The following TAFA1 variants were observed in gnomAD, a reference collection of about 807,000 sequenced individuals.
TAFA1 encodes chemokine-like protein TAFA-1.
Under a neutral mutation model 18.5 loss-of-function variants are expected in TAFA1, and 4 were observed. The ratio of observed to expected loss-of-function variants is 0.22; its 90% CI spans 0.11 to 0.49. The LOEUF (loss-of-function observed/expected upper bound fraction) is 0.49, where lower values mean the gene tolerates loss of function less well. Ranked by LOEUF, TAFA1 falls within the 20% of genes least tolerant of loss-of-function variation. The pLI is 0.98. For missense variants in TAFA1, 147 were observed against 169.0 expected (o/e 0.87, Z 0.72); for synonymous variants, 56 against 55.2 (o/e 1.01, Z -0.06).
chr3:68,334,420 T>C (rs981643183), intron 2 of TAFA1, among the ~76,000 whole-genome samples: 3 of 152,160 alleles, frequency 2.0e-5, no homozygotes, highest in Non-Finnish European at 2.9e-5. Context: ...TTGAAGAAAA[T>C]GCTAGGAGTT....
rs150950332 is a variant in TAFA1, at chr3:68,149,393, A to G, written c.118+142649A>G. Among the ~76,000 whole-genome samples, 420 of 152,318 alleles carry G rather than the reference A, an allele frequency of 2.8e-3. 2 individuals are homozygous for G. Among genetic ancestry groups the G allele is most frequent in the African/African-American group, 9.2e-3 (381 of 41,574 alleles). On this transcript the variant is annotated intron_variant, in intron 2 of 4. Coordinates refer to ENST00000478136, the MANE Select transcript of TAFA1 (RefSeq NM_213609.4). ...ATACAGGAATACCTGAGACTGGGTA[A>G]TTTATAAAGAAAAAAAGCTTATTTG...
At chr3:68,274,025 T>C (rs1402209835) in intron 2 of TAFA1, among the ~76,000 whole-genome samples, 2 of 152,148 alleles carry the variant, frequency 1.3e-5, no homozygotes, top group African/African-American at 4.8e-5. Context: ...GGCCCTAGGG[T>C]AAAGATATGA....
intron 2 of TAFA1, among the ~76,000 whole-genome samples, chr3:68,221,464 A>AG (rs552570408): frequency 5.5e-4 from 84 of 152,294 alleles, no homozygotes; most frequent in Non-Finnish European, 1.0e-3. Context: ...TTAAGCAAAT[A>AG]GGGTGGCTTG....
intron 3 of TAFA1, among the ~76,000 whole-genome samples, chr3:68,442,814 G>A (rs1458323989): frequency 1.3e-5 from 2 of 152,106 alleles, no homozygotes; most frequent in Non-Finnish European, 2.9e-5. Context: ...TATCTCACAG[G>A]CAATCTTTAC....
At chr3:68,389,421 A>G (rs2070177042) in intron 2 of TAFA1, among the ~76,000 whole-genome samples, 1 of 152,194 alleles carries the variant, frequency 6.6e-6, no homozygotes, top group Admixed American at 6.5e-5. Context: ...ATATCTTTGT[A>G]TGCATAACTT....
intron 2 of TAFA1, among the ~76,000 whole-genome samples, chr3:68,115,888 A>C (rs1385797218): frequency 6.6e-6 from 1 of 152,218 alleles, no homozygotes; most frequent in African/African-American, 2.4e-5. Flanking sequence ...TCACCACAAA[A>C]CATTTCTGTA....
At position 68,381,308 on chromosome 3, in the gene TAFA1, A is replaced by G. The variant is rs562205606; in HGVS notation, c.119-35972A>G. Among the ~76,000 whole-genome samples, 3 of 151,548 alleles carry G rather than the reference A, an allele frequency of 2.0e-5. No homozygotes were observed. In the East Asian group the frequency reaches 5.8e-4, roughly 29 times the overall value. On this transcript the variant is annotated intron_variant, in intron 2 of 4. Transcript: ENST00000478136. ...GTAGTTTTTTCCAATTCTGTGAAGA[A>G]AGTCATTGGTAGCTTGATGGGGATG...
intron 2 of TAFA1, among the ~76,000 whole-genome samples, chr3:68,326,792 A>G (rs1049907878): frequency 2.0e-5 from 3 of 152,216 alleles, no homozygotes; most frequent in Admixed American, 6.5e-5. Flanking sequence ...AATAAGAAAT[A>G]TTATCTCCTT....
intron 2 of TAFA1, among the ~76,000 whole-genome samples, chr3:68,203,465 T>C (rs1409402399): frequency 6.6e-6 from 1 of 151,732 alleles, no homozygotes; most frequent in Non-Finnish European, 1.5e-5. Context: ...GTATGCCTTG[T>C]AATTTTTGCT....
At chr3:68,344,657 G>C (rs1468247090) in intron 2 of TAFA1, among the ~76,000 whole-genome samples, 1 of 152,098 alleles carries the variant, frequency 6.6e-6, no homozygotes, top group Non-Finnish European at 1.5e-5. Context: ...ACTTTGGGTA[G>C]GTTACTTCTC....
At chr3:68,187,420 A>G (rs1450223782) in intron 2 of TAFA1, among the ~76,000 whole-genome samples, 1 of 151,936 alleles carries the variant, frequency 6.6e-6, no homozygotes, top group Non-Finnish European at 1.5e-5. Context: ...AACTCTAGAG[A>G]TTAGCTTTGT....
intron 2 of TAFA1, among the ~76,000 whole-genome samples, chr3:68,085,965 C>G (rs1480186891): frequency 6.6e-6 from 1 of 152,220 alleles, no homozygotes; most frequent in Non-Finnish European, 1.5e-5. Flanking sequence ...AAGATGAACA[C>G]TCAGTAATTT....
intron 2 of TAFA1, among the ~76,000 whole-genome samples, chr3:68,298,986 G>A (rs1303183054): frequency 6.6e-6 from 1 of 152,212 alleles, no homozygotes; most frequent in African/African-American, 2.4e-5. Flanking sequence ...GAACAGTTTG[G>A]AGGGCTCAAA....
intron 2 of TAFA1, among the ~76,000 whole-genome samples, chr3:68,182,413 G>A (rs565329444): frequency 5.3e-5 from 8 of 152,250 alleles, no homozygotes; most frequent in East Asian, 1.9e-4. Flanking sequence ...GCATGGTGCC[G>A]TCAGCTTCTG....
chr3:68,375,985 T>C (rs1016639568), intron 2 of TAFA1, among the ~76,000 whole-genome samples: 15 of 152,188 alleles, frequency 9.9e-5, no homozygotes, highest in African/African-American at 3.6e-4. Flanking sequence ...AAGAACCATC[T>C]CCTAATTAAG....
intron 2 of TAFA1, among the ~76,000 whole-genome samples, chr3:68,090,133 T>G (rs1199546686): frequency 6.6e-6 from 1 of 152,196 alleles, no homozygotes. Context: ...AGAATTTCAG[T>G]GTTTTTGGAG....
At chr3:68,171,601 G>A (rs1343451469) in intron 2 of TAFA1, among the ~76,000 whole-genome samples, 2 of 152,128 alleles carry the variant, frequency 1.3e-5, no homozygotes, top group African/African-American at 4.8e-5. Flanking sequence ...ATCAATAGAA[G>A]CTATCTCTCA....
chr3:68,290,089 C>A (rs190543064), intron 2 of TAFA1, among the ~76,000 whole-genome samples: 1 of 152,154 alleles, frequency 6.6e-6, no homozygotes, highest in Non-Finnish European at 1.5e-5. Flanking sequence ...ATTCCCTGGT[C>A]AAATAATTTG....
At chr3:68,329,364 C>T (rs1383333235) in intron 2 of TAFA1, among the ~76,000 whole-genome samples, 1 of 151,910 alleles carries the variant, frequency 6.6e-6, no homozygotes, top group East Asian at 1.9e-4. Context: ...CAGCGCCCAG[C>T]CACTTGTGAC....
Sources: gnomAD v4.1 joint callset for allele counts (sites outside exome capture counted in the v4.1 genomes callset) on GRCh38, gnomAD v4.1.1 for gene constraint, MANE v1.5 for transcripts, NCBI Gene and HGNC (gene_info 2026-07-23, HGNC 2026-07-21) for gene names.